The following FRA10AC1 variants were observed in gnomAD, a reference collection of about 807,000 sequenced individuals.
FRA10AC1 encodes protein FRA10AC1.
FRA10AC1 carries 43 observed loss-of-function variants against 56.5 expected under a neutral mutation model. That is an observed-to-expected ratio of 0.76 (90% CI 0.60 to 0.98). The LOEUF is 0.98. FRA10AC1 is among the 50% of genes least tolerant of loss of function. The pLI is 0.00. For synonymous variants in FRA10AC1, 112 were observed against 110.5 expected (o/e 1.01, Z -0.09); for missense variants, 346 against 351.8 (o/e 0.98, Z 0.13).
rs1486774113 is a variant in FRA10AC1 at position 93,698,302 on chromosome 10, T to C, written c.172A>G (p.Arg58Gly). The change falls in exon 3 of 14, where the codon AGG (arginine) becomes GGG (glycine). Residue 58 changes from arginine (R) to glycine (G), a missense_variant and splice_region_variant. By Grantham distance (125) the Arg-to-Gly change is moderately radical (BLOSUM62 -2). Transcript: ENST00000359204. ...HKQVAAELLD[R>G]EEARNRRFHL... ...AGAATTGACACTGAAATACCATACC[T>C]ATCCAGCAATTCTGCTGCAACTTGT... 2 of 1,601,228 alleles carry C rather than the reference T, an allele frequency of 1.2e-6. No individual in the cohort carries two copies. Among genetic ancestry groups the C allele is most frequent in the Non-Finnish European group, 8.6e-7 (1 of 1,169,572 alleles).
chr10:93,702,515 A>AACCACCACCGCC lies in FRA10AC1; in HGVS notation c.-153_-142dup. 1 of 181,776 alleles carries AACCACCACCGCC rather than the reference A, an allele frequency of 5.5e-6. No homozygotes were observed. Among genetic ancestry groups the AACCACCACCGCC allele is most frequent in the Non-Finnish European group, 1.1e-5 (1 of 91,942 alleles). The allele number at this position is 181,776 out of a possible 1,614,324, so 11.3% of individuals were successfully genotyped here. On this transcript the variant is annotated 5_prime_UTR_variant, in exon 1 of 14. Coordinates refer to ENST00000359204, the MANE Select transcript of FRA10AC1 (RefSeq NM_145246.5). Reference sequence around the variant, plus strand: ...GCGCCCTGCCGCACAGCCTCGCCACAACCACCACCGCCGCCGCCGCCGCCG... The same window carrying AACCACCACCGCC: ...GCGCCCTGCCGCACAGCCTCGCCACAACCACCACCGCCACCACCACCGCCGCCGCCGCCGCCG...
chr10:93,679,777 C>T (rs547013980), intron 11 of FRA10AC1, among the ~76,000 whole-genome samples: 6 of 152,000 alleles, frequency 3.9e-5, no homozygotes, highest in East Asian at 1.9e-4. Context: ...AAGACAGAGG[C>T]GGAACCCGTA....
chr10:93,692,737 A>G lies in FRA10AC1; in HGVS notation c.297-8T>C. 6.4e-7 allele frequency: 1 copy of G among 1,565,060 alleles called. No homozygotes were observed. The highest frequency in any genetic ancestry group is 8.6e-7 in the Non-Finnish European group (1 of 1,158,222). ...TCTGTCTTGTCATTTTCCCTGGAAAACAGAACTTTTTCAATTTAATACAAA... is the reference window on the plus strand; with the variant it reads ...TCTGTCTTGTCATTTTCCCTGGAAAGCAGAACTTTTTCAATTTAATACAAA... On this transcript the variant is annotated splice_region_variant and splice_polypyrimidine_tract_variant and intron_variant, in intron 5 of 13. Coordinates refer to ENST00000359204, the MANE Select transcript of FRA10AC1 (RefSeq NM_145246.5).
upstream of FRA10AC1, chr10:93,702,616 A>T: frequency 4.8e-6 from 1 of 210,264 alleles, no homozygotes; most frequent in Non-Finnish European, 9.6e-6. Flanking sequence ...CACGTGTTAC[A>T]TCTAAATGGC....
In FRA10AC1 at chr10:93,700,121, A is replaced by C. The variant is rs899815966; in HGVS notation, c.1-15T>G. On this transcript the variant is annotated splice_polypyrimidine_tract_variant and intron_variant, in intron 1 of 13. Transcript: ENST00000359204. ...TGACCATGCATCTGTAAAGGAGTAC[A>C]AAGTCAGCTATTTAGAATCTATGTT... The C allele has an allele frequency of 6.8e-7, 1 of 1,468,270 alleles. No individual in the cohort carries two copies. The highest frequency in any genetic ancestry group is 2.3e-5 in the East Asian group (1 of 43,874). The allele number at this position is 1,468,270 out of a possible 1,614,324, so 91.0% of individuals were successfully genotyped here.
chr10:93,692,158 T>G (rs1470998155), intron 6 of FRA10AC1, 65 bp from the exon 7 acceptor site: 1 of 1,166,390 alleles, frequency 8.6e-7, no homozygotes, highest in Non-Finnish European at 1.2e-6. Flanking sequence ...TACTTTCAAG[T>G]GATGTCAAAG....
chr10:93,699,523 T>C (rs925167534), intron 2 of FRA10AC1, among the ~76,000 whole-genome samples: 24 of 152,208 alleles, frequency 1.6e-4, no homozygotes, highest in Non-Finnish European at 2.8e-4. Context: ...ACAGGCTTTA[T>C]GTGCTAAGAG....
Position 93,702,522 on chromosome 10 carries a change from ACCGCCGCCG to A in FRA10AC1, c.-157_-149del, listed in dbSNP as rs139811637. 2.5e-4 allele frequency: 54 copies of A among 215,994 alleles called. No homozygotes were observed. Among genetic ancestry groups the A allele is most frequent in the African/African-American group, 6.8e-4 (28 of 41,022 alleles). The allele number at this position is 215,994 out of a possible 1,614,324, so 13.4% of individuals were successfully genotyped here. On this transcript the variant is annotated 5_prime_UTR_variant, in exon 1 of 14. Transcript: ENST00000359204. ...GCCGCACAGCCTCGCCACAACCACCACCGCCGCCGCCGCCGCCGCCGCCGCCCGCAACCC... is the reference window on the plus strand; with the variant it reads ...GCCGCACAGCCTCGCCACAACCACCACCGCCGCCGCCGCCGCCCGCAACCC...
chr10:93,691,691 T>C (rs777598404), intron 7 of FRA10AC1, among the ~76,000 whole-genome samples: 4 of 152,212 alleles, frequency 2.6e-5, no homozygotes, highest in African/African-American at 9.6e-5. Context: ...AGTTAAGTCA[T>C]TCATTACAAT....
chr10:93,698,074 C>A (rs183853731), intron 4 of FRA10AC1, 62 bp downstream of exon 4: 4 of 947,174 alleles, frequency 4.2e-6, no homozygotes, highest in East Asian at 2.8e-5. Flanking sequence ...TTTTATAAAA[C>A]AAAAAAGCAG....
chr10:93,702,115 G>A (rs754604197), intron 1 of FRA10AC1, among the ~76,000 whole-genome samples: 1 of 151,634 alleles, frequency 6.6e-6, no homozygotes, highest in Non-Finnish European at 1.5e-5. Flanking sequence ...TTCGCTGGCC[G>A]CTCCATCCGA....
chr10:93,685,041 T>C (rs1204686607), intron 9 of FRA10AC1, among the ~76,000 whole-genome samples: 2 of 152,148 alleles, frequency 1.3e-5, no homozygotes, highest in Non-Finnish European at 2.9e-5. Context: ...GACATTAGAA[T>C]TCTTTTTACT....
chr10:93,669,252 C>A lies in FRA10AC1; in HGVS notation c.*574G>T, dbSNP rs542558449. The A allele has an allele frequency of 6.6e-6, 1 of 152,236 alleles. No homozygotes were observed. The highest frequency in any genetic ancestry group is 1.5e-5 in the Non-Finnish European group (1 of 68,036). The allele number at this position is 152,236 out of a possible 1,614,324, so 9.4% of individuals were successfully genotyped here. The stretch of plus-strand genomic sequence containing the variant: ...GGGAAAGAAAGAAGTTAAAGACATA[C>A]ATAATATACTTTAATCCTAGTAATT... On this transcript the variant is annotated 3_prime_UTR_variant, in exon 14 of 14. Transcript: ENST00000359204.
intron 8 of FRA10AC1, 183 bp from the exon 9 acceptor site, chr10:93,685,542 C>A (rs1231103189): frequency 6.3e-5 from 24 of 383,952 alleles, no homozygotes; most frequent in African/African-American, 1.1e-4. Flanking sequence ...GTACTGTTAC[C>A]AAAAAAAATC....
chr10:93,688,640 T>C (rs2059071977), intron 7 of FRA10AC1, among the ~76,000 whole-genome samples: 1 of 152,110 alleles, frequency 6.6e-6, no homozygotes, highest in Non-Finnish European at 1.5e-5. Context: ...TTCTGCTCAA[T>C]TTTGTTGTAA....
intron 12 of FRA10AC1, chr10:93,675,328 AATC>A (rs2058824068): frequency 6.6e-6 from 1 of 152,010 alleles, no homozygotes; most frequent in African/African-American, 2.4e-5. Context: ...AATTTAGAAT[AATC>A]ATCAAACTTT....
chr10:93,692,750 A>T, intron 5 of FRA10AC1, 21 bp from the exon 6 acceptor site: 1 of 1,510,786 alleles, frequency 6.6e-7, no homozygotes. Flanking sequence ...GAACTTTTTC[A>T]ATTTAATACA....
chr10:93,689,219 C>CAAA (rs1458362489), intron 7 of FRA10AC1, among the ~76,000 whole-genome samples: 2 of 151,926 alleles, frequency 1.3e-5, no homozygotes, highest in Admixed American at 1.3e-4. Flanking sequence ...CTCAGCCTCC[C>CAAA]AAAGTACTGG....
intron 12 of FRA10AC1, chr10:93,673,507 GA>G: frequency 2.7e-6 from 1 of 372,242 alleles, no homozygotes; most frequent in Non-Finnish European, 5.2e-6. Context: ...TTTGAATAAT[GA>G]AAGTAGGTCT....
Sources: gnomAD v4.1 joint callset for allele counts (sites outside exome capture counted in the v4.1 genomes callset) on GRCh38, gnomAD v4.1.1 for gene constraint, MANE v1.5 for transcripts, NCBI Gene and HGNC (gene_info 2026-07-23, HGNC 2026-07-21) for gene names.